Variants in CCDC171 observed in about 807,000 individuals in gnomAD.
CCDC171 encodes coiled-coil domain-containing protein 171.
CCDC171 carries 177 observed loss-of-function variants against 168.2 expected under a neutral mutation model. That is an observed-to-expected ratio of 1.05 (90% CI 0.93 to 1.19). The LOEUF (loss-of-function observed/expected upper bound fraction) is 1.19. CCDC171 is among the 50% of genes most tolerant of loss of function. The probability of loss-of-function intolerance (pLI) is 0.00; values close to 1 mark genes in which losing one functional copy is unlikely to be tolerated. For synonymous variants in CCDC171, 687 were observed against 540.8 expected (o/e 1.27, Z -3.75); for missense variants, 1,991 against 1,539.0 (o/e 1.29, Z -4.91).
At chr9:15,810,940 G>C (rs2059327687) in intron 21 of CCDC171, among the ~76,000 whole-genome samples, 1 of 152,254 alleles carries the variant, frequency 6.6e-6, no homozygotes, top group South Asian at 2.1e-4. Context: ...AGGGCTGCTA[G>C]CACATTGTCA....
intron 24 of CCDC171, among the ~76,000 whole-genome samples, chr9:15,877,589 T>G (rs1331363384): frequency 6.6e-6 from 1 of 152,132 alleles, no homozygotes; most frequent in Non-Finnish European, 1.5e-5. Context: ...AAACCTTTCG[T>G]TTAAGTTCCT....
At chr9:15,788,750 C>G (rs1290931413) in intron 21 of CCDC171, among the ~76,000 whole-genome samples, 2 of 151,994 alleles carry the variant, frequency 1.3e-5, no homozygotes, top group Non-Finnish European at 2.9e-5. Context: ...TGGAAACTGC[C>G]TATGTTGCCC....
chr9:16,077,344 G>A, the CCDC171 span, among the ~76,000 whole-genome samples: 1 of 152,100 alleles, frequency 6.6e-6, no homozygotes, highest in East Asian at 1.9e-4. Context: ...CAAATCATTG[G>A]TCCCAATTCT....
At chr9:15,841,849 A>G (rs1159315353) in intron 21 of CCDC171, among the ~76,000 whole-genome samples, 1 of 151,880 alleles carries the variant, frequency 6.6e-6, no homozygotes, top group African/African-American at 2.4e-5. Flanking sequence ...TTTTATGTTT[A>G]TAGTTTCTGT....
At chr9:15,667,669 T>A (rs2048829272) in intron 9 of CCDC171, among the ~76,000 whole-genome samples, 1 of 152,100 alleles carries the variant, frequency 6.6e-6, no homozygotes, top group African/African-American at 2.4e-5. Context: ...AAGCTTCATT[T>A]ATTATAAGAA....
At chr9:15,982,060 C>T (rs976551293) in intron 3 of CCDC171, among the ~76,000 whole-genome samples, 4 of 152,272 alleles carry the variant, frequency 2.6e-5, no homozygotes, top group Non-Finnish European at 2.9e-5. Flanking sequence ...TGGGAGAATG[C>T]AAACTTCTTT....
intron 21 of CCDC171, among the ~76,000 whole-genome samples, chr9:15,824,885 A>G (rs558376197): frequency 1.3e-5 from 2 of 152,188 alleles, no homozygotes; most frequent in South Asian, 2.1e-4. Flanking sequence ...CATTATCTAC[A>G]TGGCTTTAGA....
chr9:15,958,266 G>A (rs1830004722), intron 25 of CCDC171, among the ~76,000 whole-genome samples: 1 of 152,084 alleles, frequency 6.6e-6, no homozygotes, highest in African/African-American at 2.4e-5. Context: ...AACACTCTAA[G>A]CCAGCACTAT....
intron 24 of CCDC171, among the ~76,000 whole-genome samples, chr9:15,891,338 C>T (rs1208713119): frequency 6.6e-6 from 1 of 152,090 alleles, no homozygotes; most frequent in Non-Finnish European, 1.5e-5. Flanking sequence ...TAGCTCTCAA[C>T]CCTGCAAGCT....
intron 24 of CCDC171, among the ~76,000 whole-genome samples, chr9:15,908,873 G>A (rs1281921284): frequency 2.6e-5 from 4 of 152,056 alleles, no homozygotes; most frequent in South Asian, 2.1e-4. Flanking sequence ...AGGGATCTCC[G>A]CTCATGATCC....
At chr9:16,014,518 G>T (rs1190099755) in intron 3 of CCDC171, among the ~76,000 whole-genome samples, 3 of 152,090 alleles carry the variant, frequency 2.0e-5, no homozygotes, top group African/African-American at 7.2e-5. Flanking sequence ...TCCTTTCCAG[G>T]ATGTTTTCCA....
intron 3 of CCDC171, among the ~76,000 whole-genome samples, chr9:15,988,872 G>T (rs2382547): frequency 0.49 from 74,950 of 151,892 alleles, 19,847 homozygotes; most frequent in African/African-American, 0.7. Context: ...GCGGCAGCAG[G>T]GCTGGGGGAG....
intron 3 of CCDC171, among the ~76,000 whole-genome samples, chr9:15,996,478 C>T (rs1364369703): frequency 3.7e-5 from 5 of 133,874 alleles, no homozygotes; most frequent in African/African-American, 1.4e-4. Flanking sequence ...GTGTATTGTG[C>T]ACCTGTGTTT....
At chr9:16,096,946 C>T in the CCDC171 span, among the ~76,000 whole-genome samples, 1 of 152,092 alleles carries the variant, frequency 6.6e-6, no homozygotes, top group South Asian at 2.1e-4. Context: ...AGCCAAGTCT[C>T]CCTGATACCA....
intron 25 of CCDC171, among the ~76,000 whole-genome samples, chr9:15,927,405 A>T (rs915930379): frequency 1.3e-5 from 2 of 151,718 alleles, no homozygotes; most frequent in Admixed American, 6.6e-5. Flanking sequence ...CAGCACACCC[A>T]CAGCTATGGA....
At chr9:15,717,049 A>G (rs746431389) in intron 11 of CCDC171, among the ~76,000 whole-genome samples, 2 of 152,176 alleles carry the variant, frequency 1.3e-5, no homozygotes, top group Non-Finnish European at 2.9e-5. Context: ...CAGTCACAGT[A>G]CCTGTTTTAA....
intron 24 of CCDC171, among the ~76,000 whole-genome samples, chr9:15,894,037 C>T (rs552337099): frequency 1.3e-5 from 2 of 152,200 alleles, no homozygotes; most frequent in South Asian, 2.1e-4. Context: ...AAATGCCCTT[C>T]AATGATAGAT....
At chr9:16,018,386 T>C (rs1159846978) in intron 3 of CCDC171, among the ~76,000 whole-genome samples, 2 of 152,238 alleles carry the variant, frequency 1.3e-5, no homozygotes, top group Non-Finnish European at 1.5e-5. Flanking sequence ...GGTAAGTTTA[T>C]TTGTATATAT....
At chr9:15,864,094 C>G (rs1056543991) in intron 23 of CCDC171, among the ~76,000 whole-genome samples, 2 of 151,846 alleles carry the variant, frequency 1.3e-5, no homozygotes, top group Non-Finnish European at 2.9e-5. Context: ...AAGCTTTTAC[C>G]TGGTTACTGT....
Sources: allele counts gnomAD v4.1 joint callset (sites outside exome capture counted in the v4.1 genomes callset), GRCh38; gene constraint gnomAD v4.1.1; transcripts MANE v1.5; gene names NCBI Gene and HGNC (gene_info 2026-07-23, HGNC 2026-07-21).